The following GNAS variants were observed in gnomAD, a reference collection of about 807,000 sequenced individuals.
The protein encoded by GNAS is GNAS complex locus.
A neutral mutation model predicts 54.5 loss-of-function variants in GNAS; 8 were observed. The ratio of observed to expected loss-of-function variants is 0.15; its 90% CI spans 0.09 to 0.26. The LOEUF is 0.26. Ranked by LOEUF, GNAS falls within the 10% of genes least tolerant of loss-of-function variation. The probability of loss-of-function intolerance (pLI) is 1.00; values close to 1 mark genes in which losing one functional copy is unlikely to be tolerated. For missense variants in GNAS, 170 were observed against 529.8 expected (o/e 0.32, Z 6.67); for synonymous variants, 204 against 191.4 (o/e 1.07, Z -0.54).
At chr20:58,858,809 TTAACA>T (rs967623324) in intron 1 of GNAS, among the ~76,000 whole-genome samples, 6 of 152,182 alleles carry the variant, frequency 3.9e-5, no homozygotes, top group Admixed American at 2.6e-4. Flanking sequence ...TCTCTCTTTT[TTAACA>T]TACAGCCATT....
At chr20:58,900,493 T>G (rs2090507639) in intron 3 of GNAS, 1 of 185,846 alleles carries the variant, frequency 5.4e-6, no homozygotes, top group Non-Finnish European at 1.1e-5. Context: ...GGTGGAGACC[T>G]GAATAGCTTC....
intron 1 of GNAS, chr20:58,852,724 A>G: frequency 4.8e-6 from 1 of 206,526 alleles, no homozygotes; most frequent in Non-Finnish European, 9.9e-6. Flanking sequence ...AAAGACTCCA[A>G]ATCAGTCAGG....
chr20:58,887,150 A>G (rs533312872), upstream of GNAS, among the ~76,000 whole-genome samples: 5 of 152,334 alleles, frequency 3.3e-5, no homozygotes, highest in South Asian at 1.0e-3. Flanking sequence ...GAGGCTCTTC[A>G]TTATATTCAT....
upstream of GNAS, among the ~76,000 whole-genome samples, chr20:58,891,104 C>T (rs1254275260): frequency 4.0e-5 from 6 of 149,178 alleles, no homozygotes; most frequent in Non-Finnish European, 6.0e-5. Context: ...CCCCTCGGCT[C>T]AGCCGGGCTG....
chr20:58,906,004 T>G (rs984182018), intron 6 of GNAS, among the ~76,000 whole-genome samples: 2 of 152,158 alleles, frequency 1.3e-5, no homozygotes, highest in Admixed American at 6.5e-5. Flanking sequence ...GTAGAGTTTG[T>G]TTTTGTGTTG....
intron 1 of GNAS, among the ~76,000 whole-genome samples, chr20:58,858,179 C>A (rs913206618): frequency 2.0e-5 from 3 of 152,218 alleles, no homozygotes; most frequent in African/African-American, 7.2e-5. Flanking sequence ...TTAGTCCCAA[C>A]ATATAAAACA....
chr20:58,905,931 T>C (rs2091013534), intron 6 of GNAS, among the ~76,000 whole-genome samples: 1 of 152,246 alleles, frequency 6.6e-6, no homozygotes, highest in African/African-American at 2.4e-5. Context: ...GATTGATCTA[T>C]TTCTGCTCTC....
upstream of GNAS, chr20:58,889,245 C>T: frequency 1.7e-6 from 2 of 1,148,832 alleles, no homozygotes; most frequent in Non-Finnish European, 2.2e-6. Flanking sequence ...CCCCTGCTCT[C>T]TGGCTCCGGG....
chr20:58,910,169 C>A lies in GNAS; in HGVS notation c.970+88C>A. 7.2e-7 allele frequency: 1 copy of A among 1,397,220 alleles called. No individual in the cohort carries two copies. Among genetic ancestry groups the A allele is most frequent in the Non-Finnish European group, 1.0e-6 (1 of 982,594 alleles). 86.6% of individuals were successfully genotyped at this position (1,397,220 alleles called of 1,614,324 possible). On this transcript the variant is annotated intron_variant, in intron 11 of 12. Coordinates refer to ENST00000371085, the MANE Select transcript of GNAS (RefSeq NM_000516.7). The surrounding 1 kb of genome is among the most constrained non-coding windows in gnomAD (Gnocchi z 5.8). ...CTGAAAACCCCCATCCCCCTCCCAC[C>A]ACCAAACCATAAAGGATCTATAAGA... is the stretch of plus-strand genomic sequence containing the variant.
rs577465140 is a variant in GNAS at position 58,850,886 on chromosome 20, C to T, written c.43+10000C>T. ...CCCCAGCAGCACCTCTTCGGGCGTT[C>T]CAACGCGGCGCCCCCTATTGGACCT... is the stretch of plus-strand genomic sequence containing the variant. On this transcript the variant is annotated intron_variant, in intron 1 of 12. Transcript: ENST00000306090. 43 of 398,782 alleles carry T rather than the reference C, an allele frequency of 1.1e-4. 1 individual carries two copies. In the South Asian group the frequency reaches 3.7e-3, roughly 34 times the overall value. The allele number at this position is 398,782 out of a possible 1,614,324, so 24.7% of individuals were successfully genotyped here. A position where few individuals can be genotyped will look rare whatever the true frequency, so the allele number is the denominator to read the frequency against.
In GNAS at chr20:58,853,720, G is replaced by A. The variant is rs2086282172; in HGVS notation, c.43+12834G>A. 3 of 1,613,880 alleles carry A rather than the reference G, an allele frequency of 1.9e-6. No homozygotes were observed. The highest frequency in any genetic ancestry group is 2.5e-6 in the Non-Finnish European group (3 of 1,179,886). The stretch of plus-strand genomic sequence containing the variant: ...TTCAGTGGTGCCAGACCAGGCCTGG[G>A]AGGATACAGCCCTCCACCAGAAGAA... On this transcript the variant is annotated intron_variant, in intron 1 of 12. Coordinates refer to the GNAS transcript ENST00000306090. This position sits in a 1 kb window ranked among gnomAD's most constrained non-coding sequence, Gnocchi z 4.4.
At chr20:58,854,317 G>A (rs1490221787) in intron 1 of GNAS, 2 of 1,599,280 alleles carry the variant, frequency 1.3e-6, no homozygotes, top group Non-Finnish European at 1.7e-6. Context: ...CGAGCAGAGA[G>A]ACCCCCAGTT....
chr20:58,853,552 C>T lies in GNAS; in HGVS notation c.43+12666C>T, dbSNP rs767709970. On this transcript the variant is annotated intron_variant, in intron 1 of 12. Transcript: ENST00000306090. The surrounding 1 kb of genome is among the most constrained non-coding windows in gnomAD (Gnocchi z 4.4). ...GCTGGAGCCCATGGAAGCTACAGCC[C>T]ACCTCCTGAGGAAGCAATGCCCTTC... 3 of 1,613,142 alleles carry T rather than the reference C, an allele frequency of 1.9e-6. No individual in the cohort carries two copies. Among genetic ancestry groups the T allele is most frequent in the Non-Finnish European group, 2.5e-6 (3 of 1,179,856 alleles).
At chr20:58,871,130 G>C (rs1026565011) in intron 1 of GNAS, among the ~76,000 whole-genome samples, 1 of 152,160 alleles carries the variant, frequency 6.6e-6, no homozygotes, top group Admixed American at 6.5e-5. Flanking sequence ...TTTCGCTAGC[G>C]GGGAAGAGCA....
intron 3 of GNAS, 53 bp downstream of exon 3, chr20:58,899,038 G>T: frequency 2.9e-6 from 4 of 1,382,506 alleles, no homozygotes; most frequent in African/African-American, 1.4e-5. Flanking sequence ...CAAACATGAA[G>T]ATCATACTGG....
intron 1 of GNAS, among the ~76,000 whole-genome samples, chr20:58,861,703 G>A (rs2086789731): frequency 6.6e-6 from 1 of 152,152 alleles, no homozygotes; most frequent in African/African-American, 2.4e-5. Context: ...TCAAAAAGAG[G>A]ATATATTCTT....
intron 1 of GNAS, among the ~76,000 whole-genome samples, chr20:58,859,615 T>C (rs2145614491): frequency 6.6e-6 from 1 of 151,490 alleles, no homozygotes; most frequent in African/African-American, 2.4e-5. Context: ...GCTCAGAGAT[T>C]AAATATCAGA....
At chr20:58,883,111 C>T (rs1417911107) in intron 1 of GNAS, 4 of 152,180 alleles carry the variant, frequency 2.6e-5, no homozygotes, top group Non-Finnish European at 5.9e-5. Flanking sequence ...CATTTTTAAT[C>T]TGTCCTGCCG....
rs866040078 is a variant in GNAS at position 58,891,972 on chromosome 20, C to T, written c.139+107C>T. On this transcript the variant is annotated intron_variant, in intron 1 of 12. Transcript: ENST00000371085. ...CCCGCCCCGGGCGCGCGCTCCCGAG[C>T]CCCCCGCCCGTTCGCGGGCTCTGTC... 45 of 764,820 alleles carry T rather than the reference C, an allele frequency of 5.9e-5. No individual in the cohort carries two copies. The African/African-American group carries it at 6.5e-4, about 11-fold the overall frequency. The allele number at this position is 764,820 out of a possible 1,614,324, so 47.4% of individuals were successfully genotyped here.
Sources: allele counts gnomAD v4.1 joint callset (sites outside exome capture counted in the v4.1 genomes callset), GRCh38; gene constraint gnomAD v4.1.1; non-coding constraint Gnocchi (gnomAD v3.1); transcripts MANE v1.5; gene names NCBI Gene and HGNC (gene_info 2026-07-23, HGNC 2026-07-21).